Variants in PCDHA9 observed in about 807,000 individuals in gnomAD.
The protein encoded by PCDHA9 is protocadherin alpha-9.
A neutral mutation model predicts 62.0 loss-of-function variants in PCDHA9; 62 were observed. The observed-to-expected ratio is 1.00, with a 90% CI of 0.81 to 1.23. PCDHA9 has a LOEUF of 1.23. Among genes scored for constraint, PCDHA9 ranks in the 50% most tolerant of loss-of-function variants. The probability of loss-of-function intolerance (pLI) is 0.00; values close to 1 mark genes in which losing one functional copy is unlikely to be tolerated. For synonymous variants in PCDHA9, 557 were observed against 567.6 expected (o/e 0.98, Z 0.27); for missense variants, 1,205 against 1,249.8 (o/e 0.96, Z 0.54).
At chr5:140,858,625 T>A (rs2045528405) in intron 1 of PCDHA9, 1 of 1,095,156 alleles carries the variant, frequency 9.1e-7, no homozygotes, top group South Asian at 1.7e-5. Flanking sequence ...CTACCCAGTG[T>A]GTCAGCCTTT....
chr5:140,951,543 C>CG (rs1201907714), intron 1 of PCDHA9, among the ~76,000 whole-genome samples: 2 of 151,428 alleles, frequency 1.3e-5, no homozygotes. Flanking sequence ...GAGCAAGGGA[C>CG]GGGGGGAAGT....
At chr5:140,964,792 C>T (rs183206526) in intron 1 of PCDHA9, among the ~76,000 whole-genome samples, 5 of 151,738 alleles carry the variant, frequency 3.3e-5, no homozygotes, top group African/African-American at 7.3e-5. Context: ...AAGCCAGAGA[C>T]CCAAGAAAGG....
chr5:140,882,898 A>T lies in PCDHA9; in HGVS notation c.2394+32009A>T, dbSNP rs781828373. 6 of 1,614,100 alleles carry T rather than the reference A, an allele frequency of 3.7e-6. No individual in the cohort carries two copies. In the Admixed American group the frequency reaches 5.0e-5, roughly 13 times the overall value. On this transcript the variant is annotated intron_variant, in intron 1 of 3. Coordinates refer to ENST00000532602, the MANE Select transcript of PCDHA9 (RefSeq NM_031857.2). ...GAGAGGAAATTCAGGAACATAGTTT[A>T]TTACTGACAGCCAGTGATGGAGGTA...
At chr5:140,856,761 C>T (rs377564040) in intron 1 of PCDHA9, 2 of 1,596,598 alleles carry the variant, frequency 1.3e-6, no homozygotes, top group Non-Finnish European at 1.7e-6. Context: ...AATGATAACG[C>T]CCCTATCTTT....
intron 1 of PCDHA9, among the ~76,000 whole-genome samples, chr5:140,937,911 CA>C (rs200797202): frequency 0.5 from 59,181 of 117,836 alleles, 12,230 homozygotes; most frequent in African/African-American, 0.63. Flanking sequence ...GACTCCGTCT[CA>C]AAAAAAAAAA....
At chr5:140,967,464 G>T (rs781900904) in intron 1 of PCDHA9, 1 of 1,613,504 alleles carries the variant, frequency 6.2e-7, no homozygotes, top group Non-Finnish European at 8.5e-7. Context: ...GTGGATGGGG[G>T]CATCCCAGCC....
chr5:140,900,167 T>C (rs756471243), intron 1 of PCDHA9, among the ~76,000 whole-genome samples: 1 of 152,238 alleles, frequency 6.6e-6, no homozygotes, highest in Non-Finnish European at 1.5e-5. Context: ...TGTCTTTCTG[T>C]GCCTGGTTTA....
chr5:140,914,115 G>A (rs1287523867), intron 1 of PCDHA9, among the ~76,000 whole-genome samples: 1 of 152,168 alleles, frequency 6.6e-6, no homozygotes, highest in Non-Finnish European at 1.5e-5. Flanking sequence ...GATTAAGTCT[G>A]ATGTTTCTTT....
At position 140,883,599 on chromosome 5, in the gene PCDHA9, G is replaced by A. The variant is rs1562791244; in HGVS notation, c.2394+32710G>A. ...TGGGCCACGGCCAGCGTGTCGGTGG[G>A]GGTGGCCGACGTGAACGACAACGCG... On this transcript the variant is annotated intron_variant, in intron 1 of 3. Coordinates refer to ENST00000532602, the MANE Select transcript of PCDHA9 (RefSeq NM_031857.2). 4 of 1,614,016 alleles carry A rather than the reference G, an allele frequency of 2.5e-6. No homozygotes were observed. Among genetic ancestry groups the A allele is most frequent in the Non-Finnish European group, 3.4e-6 (4 of 1,179,942 alleles).
In PCDHA9 at chr5:141,010,024, T is replaced by A; in HGVS notation, c.*87T>A. 7.6e-6 allele frequency: 12 copies of A among 1,572,358 alleles called. No individual in the cohort carries two copies. Among genetic ancestry groups the A allele is most frequent in the Non-Finnish European group, 1.0e-5 (12 of 1,163,296 alleles). On this transcript the variant is annotated 3_prime_UTR_variant, in exon 4 of 4. Coordinates refer to ENST00000532602, the MANE Select transcript of PCDHA9 (RefSeq NM_031857.2). ...GTAGCAATTCCCTGCTCCTTTTTCC[T>A]ATCTACATGAGCCCTCTTAGAGACC...
At chr5:140,955,692 T>A (rs1021752704) in intron 1 of PCDHA9, among the ~76,000 whole-genome samples, 1 of 152,196 alleles carries the variant, frequency 6.6e-6, no homozygotes, top group African/African-American at 2.4e-5. Context: ...CTGTGATGAA[T>A]GTCAATGGAA....
intron 1 of PCDHA9, among the ~76,000 whole-genome samples, chr5:140,969,908 TG>T (rs2096368267): frequency 6.6e-6 from 1 of 152,184 alleles, no homozygotes; most frequent in Non-Finnish European, 1.5e-5. Flanking sequence ...ATGTCACAAG[TG>T]ATAAAGCTGT....
At chr5:140,856,971 A>C (rs782790207) in intron 1 of PCDHA9, 1 of 1,594,450 alleles carries the variant, frequency 6.3e-7, no homozygotes, top group East Asian at 2.2e-5. Flanking sequence ...GATGCTATTG[A>C]CTTTGAGGAC....
chr5:140,938,468 A>G (rs1427570517), intron 1 of PCDHA9, among the ~76,000 whole-genome samples: 1 of 152,096 alleles, frequency 6.6e-6, no homozygotes, highest in African/African-American at 2.4e-5. Context: ...TTAATTTATT[A>G]TGTTTTTTAA....
At chr5:140,983,293 A>C (rs2097040232) in intron 3 of PCDHA9, among the ~76,000 whole-genome samples, 1 of 152,240 alleles carries the variant, frequency 6.6e-6, no homozygotes, top group African/African-American at 2.4e-5. Context: ...AAAATTGCTT[A>C]AACTCACATT....
At chr5:140,876,174 T>G (rs957879450) in intron 1 of PCDHA9, 2 of 1,613,816 alleles carry the variant, frequency 1.2e-6, no homozygotes, top group African/African-American at 2.7e-5. Flanking sequence ...CCGTCCTGGA[T>G]GTGAATGACA....
chr5:140,879,838 A>G (rs73793511), intron 1 of PCDHA9, among the ~76,000 whole-genome samples: 3,913 of 152,230 alleles, frequency 0.026, 159 homozygotes, highest in African/African-American at 0.089. Flanking sequence ...TTGTGGCTGT[A>G]CCACTCCCAT....
intron 1 of PCDHA9, chr5:140,876,328 C>T: frequency 6.2e-7 from 1 of 1,613,940 alleles, no homozygotes; most frequent in Non-Finnish European, 8.5e-7. Context: ...AATGATTTTG[C>T]CAGTGAGTGA....
intron 1 of PCDHA9, among the ~76,000 whole-genome samples, chr5:140,888,049 T>C (rs554327528): frequency 1.3e-5 from 2 of 152,354 alleles, no homozygotes; most frequent in South Asian, 2.1e-4. Context: ...GTATAATAGA[T>C]GTTTTAACTT....
Sources: gnomAD v4.1 joint callset for allele counts (sites outside exome capture counted in the v4.1 genomes callset) on GRCh38, gnomAD v4.1.1 for gene constraint, MANE v1.5 for transcripts, NCBI Gene and HGNC (gene_info 2026-07-23, HGNC 2026-07-21) for gene names.